Variants in MICAL2 observed in about 807,000 individuals in gnomAD.
MICAL2 encodes the protein microtubule associated monooxygenase, calponin and LIM domain containing 2, also known as [F-actin]-monooxygenase MICAL2.
MICAL2 carries 77 observed loss-of-function variants against 127.3 expected under a neutral mutation model. The ratio of observed to expected loss-of-function variants is 0.60; its 90% CI spans 0.50 to 0.73. MICAL2 has a LOEUF of 0.73. MICAL2 is among the 30% of genes least tolerant of loss of function. The pLI is 0.00. For synonymous variants in MICAL2, 570 were observed against 551.1 expected, an observed-to-expected ratio of 1.03 and a Z score of -0.48; for missense variants, 1,351 against 1,434.4, an observed-to-expected ratio of 0.94 and a Z score of 0.94.
At chr11:12,285,153 G>A (rs1043185733) in intron 2 of MICAL2, among the ~76,000 whole-genome samples, 13 of 152,132 alleles carry the variant, frequency 8.5e-5, no homozygotes, top group African/African-American at 1.2e-4. Context: ...GGGAGTCAAA[G>A]CTGTCCTCTT....
At chr11:12,360,443 G>A (rs1939190271), downstream of MICAL2, among the ~76,000 whole-genome samples, 1 of 152,114 alleles carries the variant, frequency 6.6e-6, no homozygotes, top group South Asian at 2.1e-4. Context: ...TAAGATTATG[G>A]ATGCACAAGA....
intron 14 of MICAL2, among the ~76,000 whole-genome samples, 161 bp from the exon 15 acceptor site, chr11:12,226,864 C>T (rs905203296): frequency 1.3e-5 from 2 of 151,846 alleles, no homozygotes; most frequent in Non-Finnish European, 2.9e-5. Flanking sequence ...CTGTGTTAGC[C>T]AGGATGGTCT....
At chr11:12,139,208 C>T (rs1290235071) in intron 2 of MICAL2, among the ~76,000 whole-genome samples, 1 of 152,172 alleles carries the variant, frequency 6.6e-6, no homozygotes, top group Non-Finnish European at 1.5e-5. Flanking sequence ...TTTGGCACCC[C>T]TCCTCCCTCC....
chr11:12,269,650 C>T (rs1243827446), intron 24 of MICAL2, among the ~76,000 whole-genome samples: 1 of 152,174 alleles, frequency 6.6e-6, no homozygotes, highest in Non-Finnish European at 1.5e-5. Flanking sequence ...AGGAGCTGCT[C>T]AGCTCTGCTG....
chr11:12,168,574 TTAAA>T (rs1247856951), intron 3 of MICAL2, among the ~76,000 whole-genome samples: 1 of 151,890 alleles, frequency 6.6e-6, no homozygotes, highest in African/African-American at 2.4e-5. Context: ...ATATATTTCT[TTAAA>T]TATGTATATA....
intron 32 of MICAL2, among the ~76,000 whole-genome samples, chr11:12,327,724 C>G (rs574500571): frequency 2.0e-5 from 3 of 149,514 alleles, no homozygotes; most frequent in African/African-American, 7.4e-5. Flanking sequence ...AACCTTTATA[C>G]TTTTTCATTT....
chr11:12,230,373 T>C (rs1764463193), intron 15 of MICAL2, among the ~76,000 whole-genome samples: 1 of 152,104 alleles, frequency 6.6e-6, no homozygotes, highest in African/African-American at 2.4e-5. Context: ...CACCAAGATA[T>C]CAGTACAACA....
intron 3 of MICAL2, among the ~76,000 whole-genome samples, chr11:12,173,690 A>G (rs183713508): frequency 6.6e-6 from 1 of 152,280 alleles, no homozygotes; most frequent in East Asian, 1.9e-4. Flanking sequence ...CATTATGCAA[A>G]AACTCCCTGT....
intron 3 of MICAL2, among the ~76,000 whole-genome samples, chr11:12,181,954 A>AATC (rs1459238844): frequency 6.6e-6 from 1 of 152,264 alleles, no homozygotes; most frequent in Non-Finnish European, 1.5e-5. Flanking sequence ...GTAGGCAACA[A>AATC]ATCCATCTTA....
Position 12,223,399 on chromosome 11 carries a change from TC to T in MICAL2, c.1450-11del. 6.2e-7 allele frequency: 1 copy of T among 1,609,734 alleles called. No individual in the cohort carries two copies. The stretch of plus-strand genomic sequence containing the variant: ...GAAAACTGGTGGGCAAGCATGTCTC[TC>T]TTGCTCATAGGTGAAGCATTTGTAT... On this transcript the variant is annotated splice_polypyrimidine_tract_variant and intron_variant, in intron 11 of 27. Coordinates refer to ENST00000683283, the MANE Select transcript of MICAL2 (RefSeq NM_001282663.2).
chr11:12,140,666 T>G (rs1852266623), intron 2 of MICAL2, among the ~76,000 whole-genome samples: 1 of 152,192 alleles, frequency 6.6e-6, no homozygotes, highest in African/African-American at 2.4e-5. Flanking sequence ...ACTGAATAAT[T>G]AATTCCTTGA....
upstream of MICAL2, chr11:12,275,973 C>T (rs1863718687): frequency 2.5e-6 from 1 of 399,170 alleles, no homozygotes; most frequent in Admixed American, 4.4e-5. Context: ...AGACCCTGCT[C>T]TCCTCTCAGC....
At chr11:12,361,300 TC>T (rs560402527), downstream of MICAL2, among the ~76,000 whole-genome samples, 89 of 152,224 alleles carry the variant, frequency 5.8e-4, no homozygotes, top group Non-Finnish European at 1.1e-3. Flanking sequence ...TTATTTAACA[TC>T]CTCTGAATGC....
chr11:12,330,881 G>C (rs1173778932), intron 32 of MICAL2, among the ~76,000 whole-genome samples: 2 of 134,090 alleles, frequency 1.5e-5, no homozygotes, highest in African/African-American at 5.8e-5. Flanking sequence ...GAGAGAGAGA[G>C]ACAGAGAGAG....
chr11:12,226,948 C>A (rs1481655970), intron 14 of MICAL2, 77 bp from the exon 15 acceptor site: 8 of 1,179,474 alleles, frequency 6.8e-6, no homozygotes, highest in Non-Finnish European at 1.0e-5. Context: ...CCACCACACC[C>A]AGCCAACACC....
intron 29 of MICAL2, among the ~76,000 whole-genome samples, chr11:12,311,008 A>G (rs1412862547): frequency 1.3e-5 from 2 of 152,278 alleles, no homozygotes; most frequent in African/African-American, 4.8e-5. Flanking sequence ...GTGTATAGAA[A>G]TGCTACCAAT....
chr11:12,206,934 A>T (rs1015409885), intron 4 of MICAL2, among the ~76,000 whole-genome samples: 3 of 151,690 alleles, frequency 2.0e-5, no homozygotes, highest in African/African-American at 7.3e-5. Context: ...CTGCCCTGCC[A>T]CTTTTCCTTG....
intron 3 of MICAL2, among the ~76,000 whole-genome samples, chr11:12,195,682 C>T (rs931059437): frequency 1.3e-5 from 2 of 148,968 alleles, no homozygotes; most frequent in African/African-American, 2.5e-5. Flanking sequence ...AAACTAGGCC[C>T]GTGTATTTTC....
chr11:12,270,697 T>C (rs1863665002), intron 24 of MICAL2, among the ~76,000 whole-genome samples: 1 of 152,236 alleles, frequency 6.6e-6, no homozygotes, highest in Non-Finnish European at 1.5e-5. Flanking sequence ...GCTTTCTTTC[T>C]CAACTTTTCT....
Sources: gnomAD v4.1 joint callset for allele counts (sites outside exome capture counted in the v4.1 genomes callset) on GRCh38, gnomAD v4.1.1 for gene constraint, MANE v1.5 for transcripts, NCBI Gene and HGNC (gene_info 2026-07-23, HGNC 2026-07-21) for gene names.